GLTP: variants seen among roughly 807,000 people sequenced by gnomAD.
The protein encoded by GLTP is glycolipid transfer protein.
In GLTP, 22 loss-of-function variants were observed where a neutral mutation model predicts 24.0. The observed-to-expected ratio is 0.92, with a 90% CI of 0.65 to 1.31. The LOEUF is 1.31. Among genes scored for constraint, GLTP ranks in the 50% most tolerant of loss-of-function variants. The probability of loss-of-function intolerance (pLI) is 0.00; values close to 1 mark genes in which losing one functional copy is unlikely to be tolerated. For synonymous variants in GLTP, 92 were observed against 115.9 expected (o/e 0.79, Z 1.33); for missense variants, 224 against 276.6 (o/e 0.81, Z 1.35).
intron 1 of GLTP, among the ~76,000 whole-genome samples, chr12:109,862,298 A>T (rs1440802297): frequency 6.6e-6 from 1 of 152,126 alleles, no homozygotes; most frequent in Non-Finnish European, 1.5e-5. Context: ...CTGCGTGTAG[A>T]GGCCAGCCTG....
At chr12:109,873,111 C>T (rs7397059) in intron 1 of GLTP, among the ~76,000 whole-genome samples, 91,982 of 151,864 alleles carry the variant, frequency 0.61, 28,315 homozygotes, top group South Asian at 0.71. Context: ...CAGTGTGGCC[C>T]TGGGAATCCA....
In GLTP at chr12:109,874,467, G is replaced by A. The variant is rs530154355; in HGVS notation, c.103+5805C>T. ...AGACATCCATTTAATTAAGGTAAGA[G>A]GCATGAAGAAAAATCAACCCCAGAA... On this transcript the variant is annotated intron_variant, in intron 1 of 4. Coordinates refer to ENST00000318348, the MANE Select transcript of GLTP (RefSeq NM_016433.4). Among the ~76,000 whole-genome samples the A allele has an allele frequency of 1.4e-4, 22 of 152,220 alleles. 2 individuals are homozygous for A. The East Asian group carries it at 4.1e-3, about 28-fold the overall frequency.
At chr12:109,864,023 C>T (rs1358114618) in intron 1 of GLTP, among the ~76,000 whole-genome samples, 4 of 152,184 alleles carry the variant, frequency 2.6e-5, no homozygotes, top group Admixed American at 1.3e-4. Flanking sequence ...CCATGAGCTA[C>T]GAGGGTCACG....
intron 4 of GLTP, among the ~76,000 whole-genome samples, chr12:109,854,049 A>G (rs1312328594): frequency 1.3e-5 from 2 of 149,396 alleles, no homozygotes; most frequent in Non-Finnish European, 3.0e-5. Flanking sequence ...CTGGCCAAAT[A>G]TTATTCTTTC....
At position 109,855,286 on chromosome 12, in the gene GLTP, C is replaced by G. The variant is rs1169847805; in HGVS notation, c.447+333G>C. Among the ~76,000 whole-genome samples, 1 of 152,198 alleles carries G rather than the reference C, an allele frequency of 6.6e-6. No homozygotes were observed. The highest frequency in any genetic ancestry group is 1.5e-5 in the Non-Finnish European group (1 of 68,032). On this transcript the variant is annotated intron_variant, in intron 4 of 4. Coordinates refer to ENST00000318348, the MANE Select transcript of GLTP (RefSeq NM_016433.4). The surrounding 1 kb of genome is among the most constrained non-coding windows in gnomAD (Gnocchi z 4.1). ...TGGAGGGGTAAATTTGAGGGGCCATCAGGCTGGGCCACTTTTGACCTGGGG... is the reference window on the plus strand; with the variant it reads ...TGGAGGGGTAAATTTGAGGGGCCATGAGGCTGGGCCACTTTTGACCTGGGG...
Position 109,880,346 on chromosome 12 carries a change from T to C in GLTP, c.29A>G (p.Lys10Arg), listed in dbSNP as rs1869038831. The C allele has an allele frequency of 6.2e-7, 1 of 1,602,468 alleles. No individual in the cohort carries two copies. ...GATCTGCTTGTCCGCGGGCAGCGGC[T>C]TCAGCAAGTGTTCGGCCAGCAGCGC... MALLAEHLL[K>R]PLPADKQIET... The change falls in exon 1 of 5, where the codon AAG becomes AGG. Residue 10 changes from lysine to arginine, a missense_variant. Transcript: ENST00000318348. The surrounding 1 kb of genome is among the most constrained non-coding windows in gnomAD (Gnocchi z 5.1).
chr12:109,861,173 A>T (rs753824237), intron 1 of GLTP, among the ~76,000 whole-genome samples: 2 of 152,144 alleles, frequency 1.3e-5, no homozygotes, highest in Non-Finnish European at 2.9e-5. Flanking sequence ...CTTAAGCCAA[A>T]TTCCACCCAG....
In GLTP at chr12:109,877,698, A is replaced by G. The variant is rs1216833099; in HGVS notation, c.103+2574T>C. ...ACACTCCTGGTGTCCCTCACCCCAG[A>G]GCAGCTCCATTCAAGAGACACACAC... On this transcript the variant is annotated intron_variant, in intron 1 of 4. Coordinates refer to ENST00000318348, the MANE Select transcript of GLTP (RefSeq NM_016433.4). 2.6e-5 allele frequency among the ~76,000 whole-genome samples: 4 copies of G among 152,134 alleles called. No individual in the cohort carries two copies. In the East Asian group the frequency reaches 7.7e-4, roughly 29 times the overall value.
intron 1 of GLTP, chr12:109,866,462 C>T (rs538671088): frequency 6.6e-6 from 1 of 152,164 alleles, no homozygotes; most frequent in South Asian, 2.1e-4. Flanking sequence ...CTTCCTGCCT[C>T]AGCTTCCTGA....
rs765353873 is a variant in GLTP, at chr12:109,852,612, G to C, written c.573C>G (p.Ile191Met). 3.3e-5 allele frequency: 53 copies of C among 1,607,710 alleles called. 1 individual carries two copies. The South Asian group carries it at 5.4e-4, about 16-fold the overall frequency. The change falls in exon 5 of 5, where the codon ATC becomes ATG. Residue 191 changes from isoleucine (I) to methionine (M), a missense_variant. Physicochemically the swap from Ile to Met is conservative, Grantham distance 10. Coordinates refer to ENST00000318348, the MANE Select transcript of GLTP (RefSeq NM_016433.4). The part of the protein sequence containing the change: ...RLFLVNYTAT[I>M]DVIYEMYTQM... ...GGGTGTACATCTCGTAGATGACATCGATGGTCGCCGTGTAGTTGACTAGGA... is the reference window on the plus strand; with the variant it reads ...GGGTGTACATCTCGTAGATGACATCCATGGTCGCCGTGTAGTTGACTAGGA...
At chr12:109,852,758 A>T in intron 4 of GLTP, 21 bp from the exon 5 acceptor site, 1 of 1,574,654 alleles carries the variant, frequency 6.4e-7, no homozygotes, top group South Asian at 1.1e-5. Flanking sequence ...GCAAGAAGGG[A>T]GGTAGGCACA....
intron 1 of GLTP, among the ~76,000 whole-genome samples, chr12:109,867,814 G>C (rs1398923533): frequency 1.5e-5 from 2 of 137,834 alleles, no homozygotes; most frequent in African/African-American, 5.5e-5. Flanking sequence ...GTCTCGCTCT[G>C]TCGCCCAGGC....
At chr12:109,863,331 T>TA (rs1868421769) in intron 1 of GLTP, among the ~76,000 whole-genome samples, 1 of 152,248 alleles carries the variant, frequency 6.6e-6, no homozygotes. Flanking sequence ...GTTTTACTGT[T>TA]ACAGTGATCA....
In GLTP at chr12:109,857,399, AC is replaced by A; in HGVS notation, c.296+126del. On this transcript the variant is annotated intron_variant, in intron 3 of 4. Coordinates refer to ENST00000318348, the MANE Select transcript of GLTP (RefSeq NM_016433.4). This position sits in a 1 kb window ranked among gnomAD's most constrained non-coding sequence, Gnocchi z 4.3. Reference sequence around the variant, plus strand: ...TTGGGAGGCCTTTTCCCAGCCATTAACTAGCATCACACTGGAAGGGCTCGGA... The same window carrying A: ...TTGGGAGGCCTTTTCCCAGCCATTAATAGCATCACACTGGAAGGGCTCGGA... 1 of 1,051,666 alleles carries A rather than the reference AC, an allele frequency of 9.5e-7. No homozygotes were observed. The highest frequency in any genetic ancestry group is 2.4e-5 in the East Asian group (1 of 41,884). 65.1% of individuals were successfully genotyped at this position (1,051,666 alleles called of 1,614,324 possible).
At chr12:109,853,418 C>T (rs559149383) in intron 4 of GLTP, among the ~76,000 whole-genome samples, 3 of 152,158 alleles carry the variant, frequency 2.0e-5, no homozygotes, top group African/African-American at 4.8e-5. Context: ...TAGCCAAGCA[C>T]GGTGGCTCAT....
In GLTP at chr12:109,851,335, G is replaced by GGTT. The variant is rs1892718684; in HGVS notation, c.*1217_*1219dup. On this transcript the variant is annotated 3_prime_UTR_variant, in exon 5 of 5. Coordinates refer to ENST00000318348, the MANE Select transcript of GLTP (RefSeq NM_016433.4). ...GCCTCTTGGTCATCAAGGGCTTGCTGGTTGGTTTCAGCTGTAAAACAACAA... is the reference window on the plus strand; with the variant it reads ...GCCTCTTGGTCATCAAGGGCTTGCTGGTTGTTGGTTTCAGCTGTAAAACAACAA... 6.6e-6 allele frequency: 1 copy of GGTT among 152,154 alleles called. No homozygotes were observed. Among genetic ancestry groups the GGTT allele is most frequent in the African/African-American group, 2.4e-5 (1 of 41,406 alleles). The allele number at this position is 152,154 out of a possible 1,614,324, so 9.4% of individuals were successfully genotyped here.
intron 1 of GLTP, among the ~76,000 whole-genome samples, chr12:109,863,666 T>C (rs1296681958): frequency 1.3e-5 from 2 of 152,220 alleles, no homozygotes; most frequent in Middle Eastern, 3.2e-3. Flanking sequence ...TGGGCCTCAG[T>C]TCCCCTGTTT....
intron 1 of GLTP, among the ~76,000 whole-genome samples, chr12:109,871,081 C>CTTTTTT (rs965998479): frequency 1.4e-4 from 16 of 114,424 alleles, no homozygotes; most frequent in African/African-American, 1.7e-4. Context: ...CATTTCCATT[C>CTTTTTT]TTTTTTTTTT....
At chr12:109,859,741 G>T in intron 1 of GLTP, 1 of 155,080 alleles carries the variant, frequency 6.4e-6, no homozygotes. Context: ...GGTCTTTGGG[G>T]GAATTTGATG....
Sources: allele counts gnomAD v4.1 joint callset (sites outside exome capture counted in the v4.1 genomes callset), GRCh38; gene constraint gnomAD v4.1.1; non-coding constraint Gnocchi (gnomAD v3.1); transcripts MANE v1.5; gene names NCBI Gene and HGNC (gene_info 2026-07-23, HGNC 2026-07-21).